CTBP2: variants seen among roughly 807,000 people sequenced by gnomAD.
CTBP2 encodes C-terminal-binding protein 2.
In CTBP2, 30 loss-of-function variants were observed where a neutral mutation model predicts 80.3. The observed-to-expected ratio is 0.37, with a 90% CI of 0.28 to 0.51. The LOEUF is 0.51. Ranked by LOEUF, CTBP2 falls within the 20% of genes least tolerant of loss-of-function variation. CTBP2 has a pLI of 0.93. For missense variants in CTBP2, 1,212 were observed against 1,375.3 expected, an observed-to-expected ratio of 0.88 and a Z score of 1.88; for synonymous variants, 594 against 587.4, an observed-to-expected ratio of 1.01 and a Z score of -0.16.
chr10:125,030,710 T>C (rs558288812), upstream of CTBP2, among the ~76,000 whole-genome samples: 6 of 152,342 alleles, frequency 3.9e-5, no homozygotes, highest in South Asian at 8.3e-4. Context: ...TTTGGCTCAA[T>C]GGTGTGTCCC....
At chr10:125,034,151 TAAC>T (rs1295071232) in intron 3 of CTBP2, among the ~76,000 whole-genome samples, 1 of 152,016 alleles carries the variant, frequency 6.6e-6, no homozygotes, top group African/African-American at 2.4e-5. Context: ...GAGAAATGAG[TAAC>T]AACAGAGAAA....
chr10:125,057,664 C>A lies in CTBP2; in HGVS notation c.-101-18509G>T, dbSNP rs558526004. Among the ~76,000 whole-genome samples, 311 of 152,304 alleles carry A rather than the reference C, an allele frequency of 2.0e-3. 2 individuals carry two copies. The highest frequency in any genetic ancestry group is 1.9e-4 in the Non-Finnish European group (13 of 68,030). On this transcript the variant is annotated intron_variant, in intron 2 of 10. Coordinates refer to the CTBP2 transcript ENST00000337195. ...TTCAATAAATCCATCATCACAAAAA[C>A]CAAAACAAGAAGTTTCTCTGGAAAA...
chr10:125,077,804 C>T (rs1324657706), intron 2 of CTBP2, among the ~76,000 whole-genome samples: 1 of 152,166 alleles, frequency 6.6e-6, no homozygotes, highest in African/African-American at 2.4e-5. Flanking sequence ...AACCTCAGCT[C>T]ACCTCTCATT....
chr10:125,092,761 T>A (rs1305343756), intron 2 of CTBP2, among the ~76,000 whole-genome samples: 2 of 152,172 alleles, frequency 1.3e-5, no homozygotes, highest in Non-Finnish European at 2.9e-5. Context: ...CCACACTGTT[T>A]CTTCCAGAAC....
intron 1 of CTBP2, chr10:125,006,000 G>A: frequency 2.1e-6 from 3 of 1,436,266 alleles, no homozygotes; most frequent in Non-Finnish European, 2.7e-6. Context: ...GGGAGCCTGA[G>A]AGGCCATTGT....
At chr10:125,121,637 A>ACTGAATT (rs964672976) in intron 1 of CTBP2, among the ~76,000 whole-genome samples, 6 of 152,350 alleles carry the variant, frequency 3.9e-5, no homozygotes, top group Middle Eastern at 3.4e-3. Context: ...CAAAGACAGA[A>ACTGAATT]CTGAATTCCC....
rs1162089241 is a variant in CTBP2 at position 125,023,311 on chromosome 10, G to C, written c.1678+2771C>G. Among the ~76,000 whole-genome samples the C allele has an allele frequency of 2.0e-5, 3 of 152,228 alleles. 1 individual carries two copies. The highest frequency in any genetic ancestry group is 2.0e-4 in the Admixed American group (3 of 15,290). On this transcript the variant is annotated intron_variant, in intron 1 of 8. Coordinates refer to ENST00000309035, the MANE Select transcript of CTBP2 (RefSeq NM_022802.3). ...TCACATCTGAAACTTTGCCCCCAGG[G>C]TGTGTCCTGAGCTGAGCCCTGTGCA... is the stretch of plus-strand genomic sequence containing the variant.
At chr10:124,989,827 CCTT>C (rs1952348136) in intron 8 of CTBP2, 129 bp from the exon 11 acceptor site, 1 of 859,334 alleles carries the variant, frequency 1.2e-6, no homozygotes, top group Non-Finnish European at 1.7e-6. Flanking sequence ...CCTTGACCGA[CCTT>C]CTGGGCTCAA....
intron 2 of CTBP2, among the ~76,000 whole-genome samples, chr10:125,108,848 T>C (rs1851862378): frequency 6.6e-6 from 1 of 152,244 alleles, no homozygotes; most frequent in African/African-American, 2.4e-5. Context: ...ACCAAGTCTC[T>C]TAAGCTCTTC....
At chr10:124,999,339 G>A (rs997102198) in intron 3 of CTBP2, 1 of 150,990 alleles carries the variant, frequency 6.6e-6, no homozygotes, top group Non-Finnish European at 1.5e-5. Flanking sequence ...CTTTAAGGCA[G>A]CCCAGGATTC....
chr10:125,148,329 C>A (rs1859179107), intron 1 of CTBP2, among the ~76,000 whole-genome samples: 1 of 152,162 alleles, frequency 6.6e-6, no homozygotes, highest in Non-Finnish European at 1.5e-5. Flanking sequence ...CAAGTAACCA[C>A]CAGGTTGCAA....
intron 2 of CTBP2, among the ~76,000 whole-genome samples, chr10:125,075,966 C>A (rs1490117593): frequency 6.6e-6 from 1 of 152,140 alleles, no homozygotes; most frequent in African/African-American, 2.4e-5. Flanking sequence ...CACATGTGCA[C>A]CAAATGACAT....
intron 1 of CTBP2, among the ~76,000 whole-genome samples, chr10:125,012,881 A>AAAGACTAAATTTT (rs144193017): frequency 0.36 from 54,296 of 151,856 alleles, 9,830 homozygotes; most frequent in Admixed American, 0.41. Context: ...CGCCCGGCCA[A>AAAGACTAAATTTT]AAGAAGCACA....
At chr10:125,079,674 T>G (rs1234395579) in intron 2 of CTBP2, among the ~76,000 whole-genome samples, 1 of 152,224 alleles carries the variant, frequency 6.6e-6, no homozygotes, top group Non-Finnish European at 1.5e-5. Context: ...CTAAATAACC[T>G]ATTCCCACAG....
upstream of CTBP2, chr10:125,162,316 G>C (rs746587862): frequency 6.6e-6 from 1 of 152,270 alleles, no homozygotes; most frequent in African/African-American, 2.4e-5. Context: ...CTGCAGAGCC[G>C]AGGAAACTTA....
intron 2 of CTBP2, among the ~76,000 whole-genome samples, chr10:125,064,073 C>T (rs997070326): frequency 4.6e-5 from 7 of 152,084 alleles, no homozygotes; most frequent in African/African-American, 1.7e-4. Context: ...TAAATCACTG[C>T]CAGTAGGTTT....
chr10:124,994,344 G>T, intron 5 of CTBP2, 125 bp downstream of exon 7: 1 of 939,780 alleles, frequency 1.1e-6, no homozygotes, highest in Non-Finnish European at 1.6e-6. Context: ...TTGTTGCAGG[G>T]CCTCTTCCCT....
chr10:125,160,581 G>GCCCCTCCCCCTCCCGCCCTCCCCA (rs1861772781), upstream of CTBP2: 1 of 62,408 alleles, frequency 1.6e-5, no homozygotes, highest in Non-Finnish European at 3.3e-5. Flanking sequence ...CCAGCTCCCC[G>GCCCCTCCCCCTCCCGCCCTCCCCA]CCCCTCCCCC....
chr10:125,026,074 TG>T lies in CTBP2; in HGVS notation c.1678+7del, dbSNP rs760851509. On this transcript the variant is annotated splice_region_variant and intron_variant, in intron 1 of 8. Coordinates refer to ENST00000309035, the MANE Select transcript of CTBP2 (RefSeq NM_022802.3). Reference sequence around the variant, plus strand: ...CCCCAGGCAGGGCAGGCGGGGAGGATGTATTACTTGGTTCTGGTGCAAGCAT... The same window carrying T: ...CCCCAGGCAGGGCAGGCGGGGAGGATTATTACTTGGTTCTGGTGCAAGCAT... 5 of 1,549,344 alleles carry T rather than the reference TG, an allele frequency of 3.2e-6. No individual in the cohort carries two copies. The African/African-American group carries it at 6.8e-5, about 21-fold the overall frequency.
Sources: allele counts gnomAD v4.1 joint callset (sites outside exome capture counted in the v4.1 genomes callset), GRCh38; gene constraint gnomAD v4.1.1; transcripts MANE v1.5; gene names NCBI Gene and HGNC (gene_info 2026-07-23, HGNC 2026-07-21).